Variants in ACTA2 observed in about 807,000 individuals in gnomAD.
ACTA2 encodes actin alpha 2, smooth muscle.
ACTA2 carries 12 observed loss-of-function variants against 39.5 expected under a neutral mutation model. That is an observed-to-expected ratio of 0.30 (90% CI 0.19 to 0.49). The LOEUF is 0.49. Ranked by LOEUF, ACTA2 falls within the 20% of genes least tolerant of loss-of-function variation. ACTA2 has a pLI of 0.99. For missense variants in ACTA2, 236 were observed against 498.8 expected, an observed-to-expected ratio of 0.47 and a Z score of 5.02; for synonymous variants, 158 against 180.6, an observed-to-expected ratio of 0.88 and a Z score of 1.00.
chr10:88,987,396 G>A (rs1389971720), intron 1 of ACTA2, among the ~76,000 whole-genome samples: 1 of 152,136 alleles, frequency 6.6e-6, no homozygotes, highest in Admixed American at 6.5e-5. Context: ...ACTTTGGGTG[G>A]TCCAGGGTTC....
intron 3 of ACTA2, among the ~76,000 whole-genome samples, chr10:88,945,458 A>T (rs1032089624): frequency 1.1e-4 from 17 of 152,208 alleles, no homozygotes; most frequent in Admixed American, 8.5e-4. Context: ...AAAAGGCCAG[A>T]TATCGTGATT....
At chr10:88,943,006 T>C (rs1369507584) in intron 4 of ACTA2, among the ~76,000 whole-genome samples, 1 of 152,236 alleles carries the variant, frequency 6.6e-6, no homozygotes, top group East Asian at 1.9e-4. Context: ...AATTACTTAA[T>C]GTATCTGAGC....
chr10:88,947,506 A>G (rs1845973666), intron 2 of ACTA2, 120 bp from the exon 3 acceptor site: 2 of 1,452,680 alleles, frequency 1.4e-6, no homozygotes, highest in Non-Finnish European at 1.9e-6. Flanking sequence ...ATCAGCAACA[A>G]TAAACATATT....
intron 6 of ACTA2, chr10:88,940,275 C>T (rs369593065): frequency 6.6e-5 from 11 of 165,918 alleles, no homozygotes; most frequent in South Asian, 4.5e-4. Context: ...GCATACTGAA[C>T]GAGATACGGA....
chr10:88,988,377 G>A (rs1846971908), intron 1 of ACTA2, among the ~76,000 whole-genome samples: 1 of 150,398 alleles, frequency 6.6e-6, no homozygotes, highest in African/African-American at 2.4e-5. Context: ...GGACCAAAGG[G>A]GAAAAGAACA....
intron 1 of ACTA2, among the ~76,000 whole-genome samples, chr10:88,962,484 A>C (rs1265865045): frequency 2.0e-5 from 3 of 152,264 alleles, no homozygotes; most frequent in African/African-American, 7.2e-5. Context: ...TCAGACAGGC[A>C]TCTGCCTGCC....
At chr10:88,986,149 T>G (rs748628660) in intron 1 of ACTA2, among the ~76,000 whole-genome samples, 17 of 152,324 alleles carry the variant, frequency 1.1e-4, no homozygotes, top group Non-Finnish European at 1.9e-4. Context: ...AGATTGAAGT[T>G]GAAGAAACAT....
chr10:88,955,016 C>CAAAAAAAAAA (rs768193000), upstream of ACTA2, among the ~76,000 whole-genome samples: 4 of 73,212 alleles, frequency 5.5e-5, no homozygotes, highest in Non-Finnish European at 8.1e-5. Context: ...TAGTGTCACA[C>CAAAAAAAAAA]AAAAAAAAAA....
At chr10:88,957,857 T>A (rs902126659) in intron 1 of ACTA2, among the ~76,000 whole-genome samples, 1 of 152,142 alleles carries the variant, frequency 6.6e-6, no homozygotes, top group Non-Finnish European at 1.5e-5. Context: ...AACAACCGCC[T>A]ACCGGGTTCA....
chr10:88,939,627 C>T lies in ACTA2; in HGVS notation c.688G>A (p.Ala230Thr), dbSNP rs1325861075. The T allele has an allele frequency of 1.2e-6, 2 of 1,613,926 alleles. No homozygotes were observed. Among genetic ancestry groups the T allele is most frequent in the African/African-American group, 2.7e-5 (2 of 74,916 alleles). The change falls in exon 7 of 9, where the codon GCC (alanine) becomes ACC (threonine). Residue 230 changes from alanine to threonine, a missense_variant. Physicochemically the swap from Ala to Thr is moderately conservative, Grantham distance 58. Coordinates refer to ENST00000224784, the MANE Select transcript of ACTA2 (RefSeq NM_001613.4). ...AGGGAGGATGAGGATGCGGCAGTGGCCATCTCATTTTCAAAGTCCAGAGCT... is the reference window on the plus strand; with the variant it reads ...AGGGAGGATGAGGATGCGGCAGTGGTCATCTCATTTTCAAAGTCCAGAGCT... ...YVALDFENEM[A>T]TAASSSSLEK...
chr10:88,937,767 G>T (rs540361212), intron 8 of ACTA2, among the ~76,000 whole-genome samples: 1 of 152,280 alleles, frequency 6.6e-6, no homozygotes, highest in East Asian at 1.9e-4. Flanking sequence ...ACAACAAAAT[G>T]CATATTTTAA....
In ACTA2 at chr10:88,938,152, A is replaced by T; in HGVS notation, c.899T>A (p.Val300Asp). 6.2e-7 allele frequency: 1 copy of T among 1,614,020 alleles called. No homozygotes were observed. Among genetic ancestry groups the T allele is most frequent in the Non-Finnish European group, 8.5e-7 (1 of 1,179,950 alleles). Residue 300 changes from valine to aspartate, a missense_variant, in exon 8 of 9, where the codon GTC becomes GAC. By Grantham distance (152) the Val-to-Asp change is radical. Coordinates refer to ENST00000224784, the MANE Select transcript of ACTA2 (RefSeq NM_001613.4). Reference sequence around the variant, plus strand: ...GTACATAGTGGTGCCCCCTGATAGGACATTGTTAGCATAGAGGTCCTTCCT... The same window carrying T: ...GTACATAGTGGTGCCCCCTGATAGGTCATTGTTAGCATAGAGGTCCTTCCT... ...DIRKDLYANN[V>D]LSGGTTMYPG...
chr10:88,976,778 T>C (rs1196361506), intron 1 of ACTA2, among the ~76,000 whole-genome samples: 1 of 152,224 alleles, frequency 6.6e-6, no homozygotes, highest in Non-Finnish European at 1.5e-5. Flanking sequence ...GTATTTTTAC[T>C]AAATAAAACC....
intron 1 of ACTA2, among the ~76,000 whole-genome samples, chr10:88,977,289 G>A (rs1846587530): frequency 6.6e-6 from 1 of 151,160 alleles, no homozygotes; most frequent in African/African-American, 2.4e-5. Flanking sequence ...GGGTTTTTAT[G>A]GTTTTAGGTC....
chr10:88,937,601 G>C (rs1845766420), intron 8 of ACTA2, among the ~76,000 whole-genome samples: 1 of 152,162 alleles, frequency 6.6e-6, no homozygotes, highest in Non-Finnish European at 1.5e-5. Context: ...GATAAAATTT[G>C]AATTCTTGGC....
chr10:88,983,498 T>C (rs1208923214), intron 1 of ACTA2, among the ~76,000 whole-genome samples: 1 of 151,648 alleles, frequency 6.6e-6, no homozygotes, highest in Non-Finnish European at 1.5e-5. Flanking sequence ...TGTTACCTAG[T>C]AACTGTGTGA....
chr10:88,969,576 C>CT (rs914385695), intron 1 of ACTA2, among the ~76,000 whole-genome samples: 46 of 149,028 alleles, frequency 3.1e-4, no homozygotes, highest in South Asian at 6.4e-4. Context: ...ATCAAGATCA[C>CT]TTTTTTTTTT....
chr10:88,945,300 G>A (rs887880869), intron 3 of ACTA2, among the ~76,000 whole-genome samples: 19 of 152,154 alleles, frequency 1.2e-4, no homozygotes, highest in African/African-American at 4.1e-4. Flanking sequence ...ACCAAATCTA[G>A]AATCCTCAAG....
upstream of ACTA2, among the ~76,000 whole-genome samples, chr10:88,956,753 C>T (rs1453666751): frequency 6.6e-6 from 1 of 152,210 alleles, no homozygotes; most frequent in Non-Finnish European, 1.5e-5. Flanking sequence ...CTTAAATAAA[C>T]ACTACCTTAG....
Sources: allele counts gnomAD v4.1 joint callset (sites outside exome capture counted in the v4.1 genomes callset), GRCh38; gene constraint gnomAD v4.1.1; transcripts MANE v1.5; gene names NCBI Gene and HGNC (gene_info 2026-07-23, HGNC 2026-07-21).